Variants in HMBOX1 observed in about 807,000 individuals in gnomAD.
HMBOX1 encodes homeobox containing 1, also known as homeobox-containing protein 1.
Under a neutral mutation model 54.5 loss-of-function variants are expected in HMBOX1, and 14 were observed. That is an observed-to-expected ratio of 0.26 (90% CI 0.17 to 0.40). HMBOX1 has a LOEUF of 0.40. HMBOX1 is among the 10% of genes least tolerant of loss of function. The pLI is 1.00. For missense variants in HMBOX1, 332 were observed against 514.4 expected, an observed-to-expected ratio of 0.65 and a Z score of 3.43; for synonymous variants, 160 against 181.0, an observed-to-expected ratio of 0.88 and a Z score of 0.93.
intron 4 of HMBOX1, among the ~76,000 whole-genome samples, chr8:28,989,958 T>A (rs1470234034): frequency 6.6e-6 from 1 of 152,214 alleles, no homozygotes; most frequent in Non-Finnish European, 1.5e-5. Flanking sequence ...TTTTTATTGC[T>A]ATTATATTGG....
chr8:29,000,044 G>A (rs1832407307), intron 4 of HMBOX1, among the ~76,000 whole-genome samples: 1 of 152,088 alleles, frequency 6.6e-6, no homozygotes, highest in Non-Finnish European at 1.5e-5. Context: ...TATTATTGCT[G>A]TTGTTGGTGA....
chr8:28,907,939 A>T (rs896736382), intron 1 of HMBOX1, among the ~76,000 whole-genome samples: 1 of 151,098 alleles, frequency 6.6e-6, no homozygotes, highest in African/African-American at 2.4e-5. Flanking sequence ...TCATCTCATC[A>T]GCTCAAGCCA....
chr8:28,904,149 T>C (rs1000594423), intron 1 of HMBOX1, among the ~76,000 whole-genome samples: 2 of 152,232 alleles, frequency 1.3e-5, no homozygotes, highest in Non-Finnish European at 2.9e-5. Context: ...ACCCATAATG[T>C]ATCACTTATG....
chr8:28,900,271 A>ATATATATATATATATATATAT (rs1554519262), intron 1 of HMBOX1, among the ~76,000 whole-genome samples: 7 of 70,346 alleles, frequency 1.0e-4, no homozygotes, highest in African/African-American at 1.9e-4. Context: ...AAAAAAAAAA[A>ATATATATATATATATATATAT]ATATATATAT....
rs190350592 is a variant in HMBOX1 at position 29,009,619 on chromosome 8, C to G, written c.697+437C>G. On this transcript the variant is annotated intron_variant, in intron 5 of 9. Transcript: ENST00000287701. ...CATGCTGTACCATATCCAGTGATCT[C>G]TGCTAATGATTTTTTTTTTTCTAAT... is the stretch of plus-strand genomic sequence containing the variant. The G allele has an allele frequency of 9.1e-4, 1,086 of 1,197,890 alleles. 5 individuals carry two copies. In the African/African-American group the frequency reaches 0.017, roughly 19 times the overall value. 74.2% of individuals were successfully genotyped at this position (1,197,890 alleles called of 1,614,324 possible).
rs59794853 is a variant in HMBOX1 at position 29,001,549 on chromosome 8, C to CAAACA, written c.587-7481_587-7477dup. Among the ~76,000 whole-genome samples the CAAACA allele has an allele frequency of 3.6e-3, 546 of 149,716 alleles. 1 individual carries two copies. Among genetic ancestry groups the CAAACA allele is most frequent in the African/African-American group, 4.6e-3 (187 of 40,480 alleles). Reference sequence around the variant, plus strand: ...TCGGTAATAGAGCGAGATTCCATCTCAAACAAAACAAAACAAAACAAAACA... The same window carrying CAAACA: ...TCGGTAATAGAGCGAGATTCCATCTCAAACAAAACAAAACAAAACAAAACAAAACA... On this transcript the variant is annotated intron_variant, in intron 4 of 9. Transcript: ENST00000287701.
At chr8:29,019,034 G>A in intron 6 of HMBOX1, 121 bp downstream of exon 6, 1 of 781,832 alleles carries the variant, frequency 1.3e-6, no homozygotes, top group Non-Finnish European at 2.1e-6. Context: ...ATCTCTAAAA[G>A]TACTTTAGAA....
Position 29,051,119 on chromosome 8 carries a change from C to T in HMBOX1, c.1227C>T (p.Ala409=). The change falls in exon 10 of 10, where the codon GCC becomes GCT. Residue 409 remains alanine (A), a synonymous_variant. Coordinates refer to ENST00000287701, the MANE Select transcript of HMBOX1 (RefSeq NM_001135726.3). Reference sequence around the variant, plus strand: ...TCTTGGCATTGGCCCGACAAGGAGCCAACGAAATCAAGACAGAGGCCCTGG... The same window carrying T: ...TCTTGGCATTGGCCCGACAAGGAGCTAACGAAATCAAGACAGAGGCCCTGG... ...HTILALARQG[A]NEIKTEALDD... 6.2e-7 allele frequency: 1 copy of T among 1,613,756 alleles called. No homozygotes were observed. The highest frequency in any genetic ancestry group is 8.5e-7 in the Non-Finnish European group (1 of 1,179,980).
At chr8:28,901,993 G>C (rs1813323243) in intron 1 of HMBOX1, among the ~76,000 whole-genome samples, 1 of 152,094 alleles carries the variant, frequency 6.6e-6, no homozygotes, top group Admixed American at 6.6e-5. Context: ...ACTTAGACCA[G>C]TCATTTACTC....
At chr8:29,019,678 C>CAA (rs950359405) in intron 6 of HMBOX1, among the ~76,000 whole-genome samples, 1 of 152,160 alleles carries the variant, frequency 6.6e-6, no homozygotes. Context: ...GCACTGGACT[C>CAA]AGAGTCAGAA....
At chr8:28,978,511 T>C (rs1197311141) in intron 3 of HMBOX1, among the ~76,000 whole-genome samples, 1 of 152,060 alleles carries the variant, frequency 6.6e-6, no homozygotes, top group Admixed American at 6.6e-5. Flanking sequence ...GGCTGGGCGC[T>C]ACTGCTCACG....
chr8:28,996,266 A>T (rs1586360043), intron 4 of HMBOX1, among the ~76,000 whole-genome samples: 2 of 146,852 alleles, frequency 1.4e-5, no homozygotes, highest in East Asian at 4.0e-4. Context: ...GTAAGTTCAT[A>T]TACAAGTTGA....
At chr8:29,026,570 G>A (rs1258966366) in intron 6 of HMBOX1, among the ~76,000 whole-genome samples, 1 of 152,124 alleles carries the variant, frequency 6.6e-6, no homozygotes, top group Non-Finnish European at 1.5e-5. Context: ...TGCACTGTTA[G>A]AAGCTTCACA....
At chr8:28,924,489 G>A (rs1230463990) in intron 1 of HMBOX1, among the ~76,000 whole-genome samples, 1 of 142,294 alleles carries the variant, frequency 7.0e-6, no homozygotes, top group Non-Finnish European at 1.5e-5. Flanking sequence ...TGCTTTTGGT[G>A]TCTTGCCCAA....
intron 1 of HMBOX1, among the ~76,000 whole-genome samples, chr8:28,943,528 G>T (rs28629987): frequency 0.023 from 3,513 of 152,252 alleles, 126 homozygotes; most frequent in African/African-American, 0.08. Context: ...CTTTCACATG[G>T]AAATGTTATC....
chr8:28,921,578 A>G (rs1468109431), intron 1 of HMBOX1, among the ~76,000 whole-genome samples: 3 of 152,204 alleles, frequency 2.0e-5, no homozygotes, highest in Non-Finnish European at 2.9e-5. Context: ...AACCAACATG[A>G]TTACGAGATA....
At chr8:28,927,215 G>C (rs1818665663) in intron 1 of HMBOX1, among the ~76,000 whole-genome samples, 1 of 152,156 alleles carries the variant, frequency 6.6e-6, no homozygotes, top group Non-Finnish European at 1.5e-5. Flanking sequence ...ATTATGCATT[G>C]CATGCCTGTA....
intron 4 of HMBOX1, among the ~76,000 whole-genome samples, chr8:28,989,418 AT>A (rs555627307): frequency 6.6e-6 from 1 of 151,454 alleles, no homozygotes; most frequent in Non-Finnish European, 1.5e-5. Flanking sequence ...GGGTTGAGGC[AT>A]TTTTTTTTCT....
intron 4 of HMBOX1, among the ~76,000 whole-genome samples, chr8:28,984,164 T>A (rs1167887131): frequency 6.6e-6 from 1 of 152,212 alleles, no homozygotes; most frequent in Non-Finnish European, 1.5e-5. Context: ...TATATACGCA[T>A]TTTTCTGTCT....
Sources: allele counts gnomAD v4.1 joint callset (sites outside exome capture counted in the v4.1 genomes callset), GRCh38; gene constraint gnomAD v4.1.1; transcripts MANE v1.5; gene names NCBI Gene and HGNC (gene_info 2026-07-23, HGNC 2026-07-21).